MGAT5: variants seen among roughly 807,000 people sequenced by gnomAD.
MGAT5 encodes the protein alpha-1,6-mannosylglycoprotein 6-beta-N-acetylglucosaminyltransferase A.
MGAT5 carries 30 observed loss-of-function variants against 94.3 expected under a neutral mutation model. The observed-to-expected ratio is 0.32, with a 90% CI of 0.24 to 0.43. MGAT5 has a LOEUF of 0.43. Ranked by LOEUF, MGAT5 falls within the 20% of genes least tolerant of loss-of-function variation. The pLI is 1.00. For synonymous variants in MGAT5, 310 were observed against 322.9 expected, an observed-to-expected ratio of 0.96 and a Z score of 0.43; for missense variants, 691 against 905.5, an observed-to-expected ratio of 0.76 and a Z score of 3.04.
chr2:134,319,500 G>A (rs1048059313), intron 4 of MGAT5, among the ~76,000 whole-genome samples: 1 of 152,136 alleles, frequency 6.6e-6, no homozygotes, highest in Non-Finnish European at 1.5e-5. Flanking sequence ...GTAAATGAAA[G>A]ACAAAAGTGT....
intron 10 of MGAT5, among the ~76,000 whole-genome samples, chr2:134,375,826 T>A (rs1681133057): frequency 6.6e-6 from 1 of 152,152 alleles, no homozygotes; most frequent in African/African-American, 2.4e-5. Flanking sequence ...TCAGAGCACA[T>A]CTCGTCAACT....
At chr2:134,224,080 T>G (rs142639089) in intron 1 of MGAT5, among the ~76,000 whole-genome samples, 208 of 152,368 alleles carry the variant, frequency 1.4e-3, no homozygotes, top group Admixed American at 4.1e-3. Context: ...TTGTTTAACT[T>G]GGAAATGCCA....
intron 2 of MGAT5, among the ~76,000 whole-genome samples, chr2:134,300,430 G>A (rs1685944448): frequency 1.3e-5 from 2 of 152,070 alleles, no homozygotes; most frequent in South Asian, 2.1e-4. Flanking sequence ...GACTCTTTCT[G>A]CACATGTGCG....
Position 134,403,095 on chromosome 2 carries a change from C to A in MGAT5, c.1488C>A (p.Ile496=). The change falls in exon 11 of 16, where the codon ATC becomes ATA. Residue 496 remains isoleucine, a synonymous_variant. Transcript: ENST00000281923. Reference sequence around the variant, plus strand: ...CCAGTTACGTGAAAAACCATGGTATCCTCAGTGGACGGGACCTGCAGTTCC... The same window carrying A: ...CCAGTTACGTGAAAAACCATGGTATACTCAGTGGACGGGACCTGCAGTTCC... ...NIPSYVKNHG[I]LSGRDLQFLL... is the part of the protein sequence containing the mutation. 1 of 1,611,002 alleles carries A rather than the reference C, an allele frequency of 6.2e-7. No homozygotes were observed. Among genetic ancestry groups the A allele is most frequent in the African/African-American group, 1.3e-5 (1 of 74,880 alleles).
chr2:134,396,488 G>A (rs539054674), intron 10 of MGAT5, among the ~76,000 whole-genome samples: 1 of 152,204 alleles, frequency 6.6e-6, no homozygotes, highest in South Asian at 2.1e-4. Flanking sequence ...GTGGTACTTA[G>A]GAGCAATATA....
At chr2:134,420,331 C>G (rs1684224890) in intron 12 of MGAT5, among the ~76,000 whole-genome samples, 2 of 152,130 alleles carry the variant, frequency 1.3e-5, no homozygotes, top group Admixed American at 1.3e-4. Flanking sequence ...TTTCTGAGTT[C>G]CGTGGGCCTG....
intron 11 of MGAT5, among the ~76,000 whole-genome samples, chr2:134,406,721 C>CA (rs1683361637): frequency 6.9e-6 from 1 of 144,996 alleles, no homozygotes; most frequent in Non-Finnish European, 1.5e-5. Context: ...CCCATTTCTA[C>CA]AAAAAATACC....
chr2:134,287,190 A>G (rs1036126441), intron 2 of MGAT5, among the ~76,000 whole-genome samples: 1 of 152,068 alleles, frequency 6.6e-6, no homozygotes, highest in Admixed American at 6.5e-5. Context: ...TATTTTCTGT[A>G]AGATTTTCAC....
rs573154234 is a variant in MGAT5, at chr2:134,162,123, G to A, written c.-143+41832G>A. 1.5e-3 allele frequency among the ~76,000 whole-genome samples: 223 copies of A among 152,148 alleles called. 1 individual carries two copies. Among genetic ancestry groups the A allele is most frequent in the Non-Finnish European group, 2.2e-3 (150 of 68,002 alleles). On this transcript the variant is annotated intron_variant, in intron 1 of 16. Coordinates refer to the MGAT5 transcript ENST00000409645. ...GAGAATTACTTGAATCCAGGAAGTG[G>A]AGGTTGCAGTGAGTCGAGATCACGC...
At chr2:134,133,941 T>C (rs140832245) in intron 1 of MGAT5, among the ~76,000 whole-genome samples, 3 of 152,296 alleles carry the variant, frequency 2.0e-5, no homozygotes, top group African/African-American at 7.2e-5. Flanking sequence ...AAAGACCTTA[T>C]GATACTACTG....
chr2:134,349,978 C>T (rs764583631), intron 9 of MGAT5, 40 bp downstream of exon 9: 4 of 1,607,744 alleles, frequency 2.5e-6, no homozygotes, highest in Non-Finnish European at 8.5e-7. Flanking sequence ...CAGAATGCCA[C>T]CAAAGATAGA....
chr2:134,297,570 A>C (rs1685752489), intron 2 of MGAT5, among the ~76,000 whole-genome samples: 1 of 152,200 alleles, frequency 6.6e-6, no homozygotes, highest in Non-Finnish European at 1.5e-5. Flanking sequence ...CTAGAAACAC[A>C]AGGTTGGTTT....
At chr2:134,318,228 G>A (rs1391082708) in intron 3 of MGAT5, among the ~76,000 whole-genome samples, 5 of 152,158 alleles carry the variant, frequency 3.3e-5, no homozygotes, top group African/African-American at 9.7e-5. Context: ...TGGGCCGTCC[G>A]TCAACGCTCG....
intron 1 of MGAT5, among the ~76,000 whole-genome samples, chr2:134,246,956 G>A (rs527498804): frequency 6.6e-6 from 1 of 152,234 alleles, no homozygotes; most frequent in Non-Finnish European, 1.5e-5. Flanking sequence ...AGACCAGGGA[G>A]ATGTGGTTCT....
intron 5 of MGAT5, 123 bp downstream of exon 5, chr2:134,336,411 G>A: frequency 1.3e-6 from 1 of 758,682 alleles, no homozygotes; most frequent in Non-Finnish European, 2.2e-6. Flanking sequence ...AAAAACTTCT[G>A]TATTCGTCTC....
chr2:134,315,443 A>C (rs1488872106), intron 2 of MGAT5, among the ~76,000 whole-genome samples: 5 of 152,224 alleles, frequency 3.3e-5, no homozygotes, highest in Non-Finnish European at 2.9e-5. Context: ...TCATTGCAAA[A>C]TACTATTCTT....
chr2:134,414,137 A>T (rs1683826894), intron 12 of MGAT5, among the ~76,000 whole-genome samples: 1 of 150,762 alleles, frequency 6.6e-6, no homozygotes, highest in Non-Finnish European at 1.5e-5. Context: ...AGGGTTGTGC[A>T]CACACTTGTG....
At chr2:134,213,896 G>A (rs1239699395) in intron 1 of MGAT5, among the ~76,000 whole-genome samples, 3 of 152,106 alleles carry the variant, frequency 2.0e-5, no homozygotes, top group Non-Finnish European at 4.4e-5. Context: ...GGACTTCATG[G>A]AGGCCTCATT....
At chr2:134,237,966 A>G (rs535228482) in intron 1 of MGAT5, among the ~76,000 whole-genome samples, 178 of 151,972 alleles carry the variant, frequency 1.2e-3, no homozygotes, top group Admixed American at 1.8e-3. Flanking sequence ...GGCCAGGCTG[A>G]TCTCCAACTC....
Sources: gnomAD v4.1 joint callset for allele counts (sites outside exome capture counted in the v4.1 genomes callset) on GRCh38, gnomAD v4.1.1 for gene constraint, MANE v1.5 for transcripts, NCBI Gene and HGNC (gene_info 2026-07-23, HGNC 2026-07-21) for gene names.